DCUN1D2: variants seen among roughly 807,000 people sequenced by gnomAD.
The protein encoded by DCUN1D2 is DCN1-like protein 2.
A neutral mutation model predicts 30.9 loss-of-function variants in DCUN1D2; 29 were observed. The ratio of observed to expected loss-of-function variants is 0.94; its 90% CI spans 0.70 to 1.28. The LOEUF is 1.28. Ranked by LOEUF, DCUN1D2 falls within the 50% of genes most tolerant of loss-of-function variation. DCUN1D2 has a pLI of 0.00. For synonymous variants in DCUN1D2, 121 were observed against 115.3 expected (o/e 1.05, Z -0.32); for missense variants, 325 against 316.9 (o/e 1.03, Z -0.19).
chr13:113,489,231 G>T, intron 1 of DCUN1D2: 1 of 779,920 alleles, frequency 1.3e-6, no homozygotes, highest in Non-Finnish European at 1.6e-6. Flanking sequence ...CTCGGCAGCA[G>T]TGGAACGCTC....
In DCUN1D2 at chr13:113,458,955, T is replaced by C. The variant is rs190464547; in HGVS notation, c.700+357A>G. ...TATATTTATGCAAGAAGACAGGAGC[T>C]GGAATCTCCGAGTCAGCCTGAAGAG... On this transcript the variant is annotated intron_variant, in intron 6 of 6. Coordinates refer to ENST00000478244, the MANE Select transcript of DCUN1D2 (RefSeq NM_001014283.2). 1.5e-3 allele frequency among the ~76,000 whole-genome samples: 224 copies of C among 152,232 alleles called. 1 individual carries two copies. The highest frequency in any genetic ancestry group is 2.8e-3 in the Non-Finnish European group (189 of 68,010).
At chr13:113,460,229 C>A (rs750254554) in intron 5 of DCUN1D2, among the ~76,000 whole-genome samples, 1 of 152,246 alleles carries the variant, frequency 6.6e-6, no homozygotes, top group Non-Finnish European at 1.5e-5. Context: ...ACCTGCCACA[C>A]TCTCTGGGTA....
At chr13:113,473,025 G>T (rs1183169199) in intron 4 of DCUN1D2, among the ~76,000 whole-genome samples, 1 of 112,726 alleles carries the variant, frequency 8.9e-6, no homozygotes, top group Non-Finnish European at 1.7e-5. Context: ...TCTCTATCCC[G>T]TGTCTCTGCC....
Position 113,456,378 on chromosome 13 carries a change from A to C in DCUN1D2, c.*1651T>G, listed in dbSNP as rs138357183. On this transcript the variant is annotated 3_prime_UTR_variant, in exon 7 of 7. Transcript: ENST00000478244. Reference sequence around the variant, plus strand: ...AGTTCGTCCTGCAGCCTCCAAGCACACTAACCTCAGCCATCAGATGTTCCT... The same window carrying C: ...AGTTCGTCCTGCAGCCTCCAAGCACCCTAACCTCAGCCATCAGATGTTCCT... The C allele has an allele frequency of 2.5e-6, 1 of 398,890 alleles. No homozygotes were observed. Among genetic ancestry groups the C allele is most frequent in the East Asian group, 3.6e-5 (1 of 28,092 alleles). 24.7% of individuals were successfully genotyped at this position (398,890 alleles called of 1,614,324 possible).
At chr13:113,459,837 CG>C (rs2044289672) in intron 5 of DCUN1D2, among the ~76,000 whole-genome samples, 1 of 152,194 alleles carries the variant, frequency 6.6e-6, no homozygotes, top group African/African-American at 2.4e-5. Flanking sequence ...GAAACGTATG[CG>C]GGCTGACGTG....
chr13:113,474,935 T>G (rs2139715089), intron 3 of DCUN1D2, among the ~76,000 whole-genome samples: 1 of 152,364 alleles, frequency 6.6e-6, no homozygotes, highest in South Asian at 2.1e-4. Flanking sequence ...TATGTTGTTT[T>G]AGAATTGAAT....
chr13:113,476,835 C>A (rs9604121), intron 3 of DCUN1D2, among the ~76,000 whole-genome samples: 4 of 152,158 alleles, frequency 2.6e-5, no homozygotes, highest in African/African-American at 9.7e-5. Context: ...ATATGGTATG[C>A]GGTAGAGGTC....
At chr13:113,481,776 C>T (rs1049363172) in intron 2 of DCUN1D2, among the ~76,000 whole-genome samples, 40 of 148,196 alleles carry the variant, frequency 2.7e-4, no homozygotes, top group South Asian at 2.1e-4. Flanking sequence ...CCCAGCTACT[C>T]GGGGGGCTGA....
chr13:113,456,231 C>T lies in DCUN1D2; in HGVS notation c.*1798G>A. On this transcript the variant is annotated 3_prime_UTR_variant, in exon 7 of 7. Transcript: ENST00000478244. ...GAAGCAGAGCCTGGGGAAGGTCTGT[C>T]ACTTGCCCATCACTGGACCAGCCAG... 1 of 398,728 alleles carries T rather than the reference C, an allele frequency of 2.5e-6. No individual in the cohort carries two copies. The highest frequency in any genetic ancestry group is 3.6e-5 in the East Asian group (1 of 28,074). 24.7% of individuals were successfully genotyped at this position (398,728 alleles called of 1,614,324 possible).
chr13:113,491,021 G>T (rs567155910), upstream of DCUN1D2: 4 of 164,368 alleles, frequency 2.4e-5, no homozygotes, highest in South Asian at 8.1e-4. Flanking sequence ...GCGGCTGGGC[G>T]GGAGTCCGGG....
rs41286638 is a variant in DCUN1D2 at position 113,458,074 on chromosome 13, T to C, written c.735A>G (p.Glu245=). 0.026 allele frequency: 42,608 copies of C among 1,614,020 alleles called. 848 individuals are homozygous for C. Among genetic ancestry groups the C allele is most frequent in the East Asian group, 0.1 (4,704 of 44,884 alleles). ...CACCTGTGACTACTGGCCGTGCATA[T>C]TCTACAAAATCATCTATAAGAACGG... is the stretch of plus-strand genomic sequence containing the variant. ...AWPVLIDDFV[E]YARPVVTGGK... The change falls in exon 7 of 7, where the codon GAA becomes GAG. Residue 245 remains glutamate (E), a synonymous_variant. Coordinates refer to ENST00000478244, the MANE Select transcript of DCUN1D2 (RefSeq NM_001014283.2).
intron 3 of DCUN1D2, chr13:113,475,255 C>G (rs894035055): frequency 1.3e-5 from 2 of 152,238 alleles, no homozygotes; most frequent in African/African-American, 4.8e-5. Flanking sequence ...CACCTAGATT[C>G]CTGCCACCTC....
rs1039173836 is a variant in DCUN1D2 at position 113,489,139 on chromosome 13, T to C, written c.3+1528A>G. On this transcript the variant is annotated intron_variant, in intron 1 of 6. Coordinates refer to ENST00000478244, the MANE Select transcript of DCUN1D2 (RefSeq NM_001014283.2). ...TGATCGAATAAACTACGTAAGTTTA[T>C]GGATCACTTTCACTCTGTTTCGGTA... 3.0e-6 allele frequency: 3 copies of C among 985,320 alleles called. No individual in the cohort carries two copies. In the Admixed American group the frequency reaches 1.8e-4, roughly 61 times the overall value. The allele number at this position is 985,320 out of a possible 1,614,324, so 61.0% of individuals were successfully genotyped here.
rs1003668877 is a variant in DCUN1D2, at chr13:113,488,266, G to A, written c.3+2401C>T. On this transcript the variant is annotated intron_variant, in intron 1 of 6. Transcript: ENST00000478244. This position sits in a 1 kb window ranked among gnomAD's most constrained non-coding sequence, Gnocchi z 4.3. The stretch of plus-strand genomic sequence containing the variant: ...TACTCCAGTAAACCCTGAACCACAC[G>A]GTGGTGCCAAGGCACTGGTTCTGAA... Among the ~76,000 whole-genome samples the A allele has an allele frequency of 8.5e-5, 13 of 152,222 alleles. No individual in the cohort carries two copies. The highest frequency in any genetic ancestry group is 3.1e-4 in the African/African-American group (13 of 41,456).
chr13:113,490,456 G>T lies in DCUN1D2; in HGVS notation c.3+211C>A. ...ACTCCCGGTCGTCCCTCGCGGCTCCGGGTCAAACCCGCGCTCCCCGCGGTC... is the reference window on the plus strand; with the variant it reads ...ACTCCCGGTCGTCCCTCGCGGCTCCTGGTCAAACCCGCGCTCCCCGCGGTC... On this transcript the variant is annotated intron_variant, in intron 1 of 6. Coordinates refer to ENST00000478244, the MANE Select transcript of DCUN1D2 (RefSeq NM_001014283.2). The surrounding 1 kb of genome is among the most constrained non-coding windows in gnomAD (Gnocchi z 5.2). 2.3e-6 allele frequency: 1 copy of T among 435,504 alleles called. No homozygotes were observed. The highest frequency in any genetic ancestry group is 3.7e-6 in the Non-Finnish European group (1 of 268,028). 27.0% of individuals were successfully genotyped at this position (435,504 alleles called of 1,614,324 possible).
At chr13:113,472,156 T>C (rs759750883) in intron 4 of DCUN1D2, among the ~76,000 whole-genome samples, 2 of 151,996 alleles carry the variant, frequency 1.3e-5, no homozygotes, top group Non-Finnish European at 2.9e-5. Flanking sequence ...CCATGGATAT[T>C]CTAACGCTAT....
At chr13:113,479,438 C>T (rs1038758965) in intron 3 of DCUN1D2, among the ~76,000 whole-genome samples, 4 of 152,174 alleles carry the variant, frequency 2.6e-5, no homozygotes, top group African/African-American at 9.6e-5. Flanking sequence ...CTATTTTAAA[C>T]AATATGAACA....
At position 113,490,627 on chromosome 13, in the gene DCUN1D2, C is replaced by A; in HGVS notation, c.3+40G>T. 8.2e-7 allele frequency: 1 copy of A among 1,224,230 alleles called. No individual in the cohort carries two copies. The highest frequency in any genetic ancestry group is 3.2e-5 in the South Asian group (1 of 31,208). The allele number at this position is 1,224,230 out of a possible 1,614,324, so 75.8% of individuals were successfully genotyped here. A position where few individuals can be genotyped will look rare whatever the true frequency, so the allele number is the denominator to read the frequency against. On this transcript the variant is annotated intron_variant, in intron 1 of 6. Transcript: ENST00000478244. This position sits in a 1 kb window ranked among gnomAD's most constrained non-coding sequence, Gnocchi z 5.2. ...CGCCGACCTTGGGGCCCGACCCCGA[C>A]CCCGACCCCGACGGGCAGAGGCGAC...
chr13:113,466,054 T>A (rs1036349808), intron 4 of DCUN1D2, among the ~76,000 whole-genome samples: 3 of 152,080 alleles, frequency 2.0e-5, no homozygotes, highest in Non-Finnish European at 4.4e-5. Flanking sequence ...CTCAGCTAAT[T>A]TTTTGTATTT....
Sources: gnomAD v4.1 joint callset for allele counts (sites outside exome capture counted in the v4.1 genomes callset) on GRCh38, gnomAD v4.1.1 for gene constraint, Gnocchi (gnomAD v3.1) non-coding constraint, MANE v1.5 for transcripts, NCBI Gene and HGNC (gene_info 2026-07-23, HGNC 2026-07-21) for gene names.